MYO9B: variants seen among roughly 807,000 people sequenced by gnomAD.
MYO9B encodes the protein myosin IXB, also known as unconventional myosin-IXb.
In MYO9B, 71 loss-of-function variants were observed where a neutral mutation model predicts 229.5. The ratio of observed to expected loss-of-function variants is 0.31; its 90% confidence interval spans 0.26 to 0.38. MYO9B has a LOEUF of 0.38. Ranked by LOEUF, MYO9B falls within the 10% of genes least tolerant of loss-of-function variation. The pLI, the probability that MYO9B is intolerant of heterozygous loss-of-function variation, is 1.00. For missense variants in MYO9B, 2,255 were observed against 2,920.5 expected (o/e 0.77, Z 5.25); for synonymous variants, 1,185 against 1,235.8 (o/e 0.96, Z 0.86).
intron 31 of MYO9B, 69 bp from the exon 32 acceptor site, chr19:17,205,891 A>C: frequency 6.9e-7 from 1 of 1,439,090 alleles, no homozygotes. Context: ...CAGGAGGCAG[A>C]GGCCCCCAGA....
chr19:17,152,662 T>C lies in MYO9B; in HGVS notation c.954T>C (p.Tyr318=), dbSNP rs1273596528. Residue 318 remains tyrosine, a synonymous_variant, in exon 4 of 40, where the codon TAT becomes TAC. Coordinates refer to ENST00000682292, the MANE Select transcript of MYO9B (RefSeq NM_004145.4). ...GIVRGAVVEK[Y]LLEKSRLVSQ... ...ATGACAGAGCTGTCGTCGAGAAATA[T>C]CTGCTTGAAAAGTCTCGCCTGGTGT... The C allele has an allele frequency of 6.2e-7, 1 of 1,613,510 alleles. No homozygotes were observed. Among genetic ancestry groups the C allele is most frequent in the Non-Finnish European group, 8.5e-7 (1 of 1,179,660 alleles).
At chr19:17,209,996 T>C (rs1599431351) in intron 36 of MYO9B, among the ~76,000 whole-genome samples, 1 of 152,184 alleles carries the variant, frequency 6.6e-6, no homozygotes, top group East Asian at 1.9e-4. Context: ...AGGGGCAGAC[T>C]TACTGCCTTG....
At chr19:17,154,124 TTATGTA>T in intron 5 of MYO9B, 58 bp downstream of exon 5, 1 of 1,529,224 alleles carries the variant, frequency 6.5e-7, no homozygotes, top group Non-Finnish European at 9.0e-7. Flanking sequence ...CTCAAGCTGT[TTATGTA>T]TAGCCGGGAA....
chr19:17,145,470 T>C lies in MYO9B; in HGVS notation c.914T>C (p.Leu305Pro). Residue 305 changes from leucine to proline, a missense_variant, in exon 3 of 40, where the codon CTA becomes CCA. Leu to Pro is a moderately conservative substitution (Grantham distance 98). Transcript: ENST00000682292. Reference sequence around the variant, plus strand: ...GGGAAATTCATCCAAGTCAGCTACCTAGAGAGTGGCATCGTGAGAGGGTGA... The same window carrying C: ...GGGAAATTCATCCAAGTCAGCTACCCAGAGAGTGGCATCGTGAGAGGGTGA... Reference protein sequence around the residue: ...RFGKFIQVSYLESGIVRGAVV... With the variant: ...RFGKFIQVSYPESGIVRGAVV... The C allele has an allele frequency of 1.2e-6, 2 of 1,613,922 alleles. No individual in the cohort carries two copies. Among genetic ancestry groups the C allele is most frequent in the Non-Finnish European group, 1.7e-6 (2 of 1,179,846 alleles).
At chr19:17,085,896 C>G (rs904472727) in intron 1 of MYO9B, among the ~76,000 whole-genome samples, 1 of 152,112 alleles carries the variant, frequency 6.6e-6, no homozygotes, top group Non-Finnish European at 1.5e-5. Flanking sequence ...CTTCCAGACC[C>G]GCGTCCCTGG....
chr19:17,181,104 C>T, intron 15 of MYO9B, 64 bp downstream of exon 15: 1 of 1,170,080 alleles, frequency 8.5e-7, no homozygotes, highest in Non-Finnish European at 1.2e-6. Context: ...TCCTGCGACC[C>T]CGGCGGGGCC....
intron 21 of MYO9B, 40 bp from the exon 22 acceptor site, chr19:17,194,516 T>C: frequency 6.3e-7 from 1 of 1,596,730 alleles, no homozygotes. Flanking sequence ...GGAGGGAGTG[T>C]TTGTTTCTGA....
chr19:17,165,387 C>CT (rs908956670), intron 10 of MYO9B, among the ~76,000 whole-genome samples: 20 of 150,396 alleles, frequency 1.3e-4, no homozygotes, highest in African/African-American at 3.2e-4. Context: ...TTAATTTCAC[C>CT]TTTTTTTTTA....
intron 4 of MYO9B, among the ~76,000 whole-genome samples, chr19:17,153,359 G>A (rs892591614): frequency 2.1e-5 from 3 of 146,078 alleles, no homozygotes; most frequent in African/African-American, 5.1e-5. Context: ...GCACCACCAC[G>A]CCCGGCTAGA....
chr19:17,123,918 C>G (rs547283264), intron 2 of MYO9B, among the ~76,000 whole-genome samples: 1 of 151,542 alleles, frequency 6.6e-6, no homozygotes, highest in African/African-American at 2.4e-5. Flanking sequence ...CAGGGTCTCA[C>G]TTTGTCACCC....
At position 17,192,794 on chromosome 19, in the gene MYO9B, C is replaced by T. The variant is rs376031299; in HGVS notation, c.2860C>T (p.Arg954Trp). Residue 954 changes from arginine (R) to tryptophan (W), a missense_variant, in exon 21 of 40, where the codon CGG (arginine) becomes TGG (tryptophan). Arg to Trp is a moderately radical substitution (Grantham distance 101). This residue lies in a region of MYO9B where 679 missense variants were observed against 770.2 expected (regional missense o/e 0.88). Coordinates refer to ENST00000682292, the MANE Select transcript of MYO9B (RefSeq NM_004145.4). ...GCAAGCCCTGCAGGAGACGCTGCAC[C>T]GGGAGGTGGTGCGGAAAATCCTGCT... ...ERQALQETLH[R>W]EVVRKILLLQ... is the part of the protein sequence containing the mutation. 6.5e-5 allele frequency: 101 copies of T among 1,558,918 alleles called. 1 individual carries two copies. The highest frequency in any genetic ancestry group is 1.7e-4 in the Middle Eastern group (1 of 5,862).
chr19:17,164,741 G>A (rs1414093251), intron 10 of MYO9B, among the ~76,000 whole-genome samples: 1 of 152,122 alleles, frequency 6.6e-6, no homozygotes, highest in African/African-American at 2.4e-5. Flanking sequence ...TCTCCTTCAC[G>A]TTGATGATTC....
intron 2 of MYO9B, among the ~76,000 whole-genome samples, chr19:17,127,261 TC>T (rs1441383711): frequency 6.7e-6 from 1 of 148,878 alleles, no homozygotes; most frequent in African/African-American, 2.5e-5. Flanking sequence ...CCCTCGGCCT[TC>T]CAAAGTGCTG....
intron 2 of MYO9B, among the ~76,000 whole-genome samples, chr19:17,123,352 G>A (rs1229433403): frequency 6.6e-6 from 1 of 151,942 alleles, no homozygotes; most frequent in Non-Finnish European, 1.5e-5. Flanking sequence ...GCCTCACTTT[G>A]CAATAAAGGT....
At chr19:17,129,715 G>C (rs1264251466) in intron 2 of MYO9B, among the ~76,000 whole-genome samples, 1 of 152,212 alleles carries the variant, frequency 6.6e-6, no homozygotes, top group Non-Finnish European at 1.5e-5. Context: ...GAATCCCACA[G>C]TATATGCCCC....
intron 17 of MYO9B, 21 bp downstream of exon 17, chr19:17,185,008 A>C (rs767414455): frequency 6.2e-7 from 1 of 1,613,600 alleles, no homozygotes; most frequent in African/African-American, 1.3e-5. Flanking sequence ...CAGGAGAGGC[A>C]GAAGGTGGCG....
rs372490824 is a variant in MYO9B, at chr19:17,161,268, G to A, written c.1420-1082G>A. 3.2e-4 allele frequency among the ~76,000 whole-genome samples: 48 copies of A among 152,122 alleles called. 2 individuals carry two copies. The Middle Eastern group carries it at 0.031, about 97-fold the overall frequency. On this transcript the variant is annotated intron_variant, in intron 8 of 39. Transcript: ENST00000682292. ...AGCAATTTTGGTTGCTCTGAGGAGC[G>A]TATGGAAAGGCTTCAGCGGCCGTTC...
chr19:17,191,508 T>C (rs1009397820), intron 20 of MYO9B, among the ~76,000 whole-genome samples: 3 of 152,182 alleles, frequency 2.0e-5, no homozygotes, highest in African/African-American at 7.2e-5. Flanking sequence ...ATTTAGGAGA[T>C]GGTCAGTCCC....
intron 2 of MYO9B, among the ~76,000 whole-genome samples, chr19:17,111,279 A>G (rs569923378): frequency 6.6e-5 from 10 of 152,330 alleles, no homozygotes; most frequent in Admixed American, 6.5e-5. Flanking sequence ...TGGCAGAGAT[A>G]GAAGTTTCTG....
Sources: gnomAD v4.1 joint callset for allele counts (sites outside exome capture counted in the v4.1 genomes callset) on GRCh38, gnomAD v4.1.1 for gene constraint, gnomAD v4.1.1 regional missense constraint, MANE v1.5 for transcripts, NCBI Gene and HGNC (gene_info 2026-07-23, HGNC 2026-07-21) for gene names.